The following WBP1L variants were observed in gnomAD, a reference collection of about 807,000 sequenced individuals.
WBP1L encodes the protein WW domain binding protein 1 like, also known as WW domain binding protein 1-like.
A neutral mutation model predicts 33.7 loss-of-function variants in WBP1L; 17 were observed. The ratio of observed to expected loss-of-function variants is 0.50; its 90% CI spans 0.34 to 0.76. The LOEUF is 0.76. Among genes scored for constraint, WBP1L ranks in the 30% least tolerant of loss-of-function variants. The pLI, the probability that WBP1L is intolerant of heterozygous loss-of-function variation, is 0.01. For missense variants in WBP1L, 389 were observed against 469.4 expected (o/e 0.83, Z 1.58); for synonymous variants, 173 against 190.8 (o/e 0.91, Z 0.77).
chr10:102,809,818 C>G, intron 2 of WBP1L, 75 bp from the exon 3 acceptor site: 2 of 1,516,586 alleles, frequency 1.3e-6, no homozygotes, highest in Non-Finnish European at 1.8e-6. Flanking sequence ...GTCCAGGGAC[C>G]TCCCTGTTCC....
At chr10:102,751,322 C>CTTT (rs71019611) in intron 1 of WBP1L, among the ~76,000 whole-genome samples, 5 of 141,456 alleles carry the variant, frequency 3.5e-5, no homozygotes, top group African/African-American at 7.8e-5. Flanking sequence ...TTTTTCTTTC[C>CTTT]TTTTTTTTTT....
chr10:102,761,121 GT>G (rs111654669), intron 1 of WBP1L, among the ~76,000 whole-genome samples: 2,957 of 134,052 alleles, frequency 0.022, 39 homozygotes, highest in African/African-American at 0.057. Flanking sequence ...TGGCCAGGCT[GT>G]TTTTTTTTTT....
intron 3 of WBP1L, among the ~76,000 whole-genome samples, chr10:102,810,545 C>CCT (rs1280830040): frequency 8.3e-6 from 1 of 120,456 alleles, no homozygotes; most frequent in African/African-American, 3.1e-5. Flanking sequence ...ATCCTCCCTC[C>CCT]CTCTCTCTCT....
At chr10:102,795,546 T>C (rs1843561955) in intron 1 of WBP1L, among the ~76,000 whole-genome samples, 1 of 152,214 alleles carries the variant, frequency 6.6e-6, no homozygotes, top group African/African-American at 2.4e-5. Context: ...CAGTAGGTCA[T>C]GAGGATGCCA....
chr10:102,748,123 G>A (rs991366141), intron 1 of WBP1L, among the ~76,000 whole-genome samples: 1 of 152,042 alleles, frequency 6.6e-6, no homozygotes, highest in African/African-American at 2.4e-5. Flanking sequence ...GGGCATGGTG[G>A]TGGGCACCTG....
At chr10:102,776,492 G>A in intron 1 of WBP1L, 1 of 1,596,988 alleles carries the variant, frequency 6.3e-7, no homozygotes, top group African/African-American at 1.3e-5. Context: ...ACTGCTTTGG[G>A]TGGAGGGAAT....
chr10:102,764,463 T>A (rs1356197286), intron 1 of WBP1L, among the ~76,000 whole-genome samples: 1 of 152,184 alleles, frequency 6.6e-6, no homozygotes, highest in Non-Finnish European at 1.5e-5. Context: ...TAGGTTTACT[T>A]GCTGCTGTCA....
chr10:102,800,644 A>G (rs1564767960), intron 2 of WBP1L, among the ~76,000 whole-genome samples: 1 of 152,206 alleles, frequency 6.6e-6, no homozygotes, highest in African/African-American at 2.4e-5. Context: ...TGGGAGACAT[A>G]AAAGCAAAAC....
intron 1 of WBP1L, among the ~76,000 whole-genome samples, chr10:102,745,675 A>T (rs1388398578): frequency 6.6e-6 from 1 of 152,216 alleles, no homozygotes; most frequent in Non-Finnish European, 1.5e-5. Context: ...TGTTATCTGT[A>T]AACCACAATT....
intron 1 of WBP1L, chr10:102,746,043 C>A (rs1842860777): frequency 1.7e-6 from 1 of 596,068 alleles, no homozygotes; most frequent in Non-Finnish European, 2.1e-6. Flanking sequence ...TAAATAACAT[C>A]GGTAGAGGTT....
chr10:102,777,785 G>A (rs1023216233), intron 1 of WBP1L, among the ~76,000 whole-genome samples: 5 of 151,968 alleles, frequency 3.3e-5, no homozygotes, highest in South Asian at 2.1e-4. Flanking sequence ...GACTGGTCTC[G>A]AACTCCTGAC....
chr10:102,790,762 C>T (rs1350386006), intron 1 of WBP1L, among the ~76,000 whole-genome samples: 5 of 152,130 alleles, frequency 3.3e-5, no homozygotes, highest in African/African-American at 2.4e-5. Flanking sequence ...CCGCCCGCCT[C>T]AGCCTCCCAA....
intron 1 of WBP1L, among the ~76,000 whole-genome samples, chr10:102,750,349 C>T (rs1842912991): frequency 6.6e-6 from 1 of 151,380 alleles, no homozygotes; most frequent in Non-Finnish European, 1.5e-5. Flanking sequence ...GAGCCTAGAT[C>T]ACGCCACTGC....
intron 1 of WBP1L, among the ~76,000 whole-genome samples, chr10:102,795,483 C>G (rs1843561236): frequency 6.6e-6 from 1 of 152,200 alleles, no homozygotes; most frequent in Non-Finnish European, 1.5e-5. Context: ...CTTGTTTATT[C>G]CAGGCCCCCT....
At chr10:102,746,629 G>T (rs919472680) in intron 1 of WBP1L, among the ~76,000 whole-genome samples, 2 of 151,262 alleles carry the variant, frequency 1.3e-5, no homozygotes, top group Non-Finnish European at 2.9e-5. Flanking sequence ...GGGGGAAGGG[G>T]TTGCTTGTAC....
chr10:102,792,214 G>A (rs1248025170), intron 1 of WBP1L, among the ~76,000 whole-genome samples: 8 of 152,148 alleles, frequency 5.3e-5, no homozygotes, highest in East Asian at 1.9e-4. Flanking sequence ...CTGTGGCACC[G>A]GGGCTGAAGG....
At position 102,799,108 on chromosome 10, in the gene WBP1L, T is replaced by C. The variant is rs547988325; in HGVS notation, c.193+1013T>C. On this transcript the variant is annotated intron_variant, in intron 2 of 3. Transcript: ENST00000448841. ...TGGGAGGCCAAGGCATGTGGATCAC[T>C]TGAGCCCAAGAGTTCAATACCAGCC... 7.9e-5 allele frequency among the ~76,000 whole-genome samples: 12 copies of C among 152,312 alleles called. No individual in the cohort carries two copies. The South Asian group carries it at 2.5e-3, about 32-fold the overall frequency.
intron 2 of WBP1L, among the ~76,000 whole-genome samples, chr10:102,803,718 C>T (rs925607642): frequency 1.1e-4 from 16 of 151,940 alleles, no homozygotes; most frequent in Non-Finnish European, 1.8e-4. Context: ...ACGCCATTCT[C>T]CTGCCTCAGC....
At chr10:102,759,443 T>C (rs1405426482) in intron 1 of WBP1L, among the ~76,000 whole-genome samples, 2 of 152,260 alleles carry the variant, frequency 1.3e-5, no homozygotes, top group African/African-American at 2.4e-5. Context: ...ATTTGTATTA[T>C]GACTATTCTT....
Sources: allele counts gnomAD v4.1 joint callset (sites outside exome capture counted in the v4.1 genomes callset), GRCh38; gene constraint gnomAD v4.1.1; transcripts MANE v1.5; gene names NCBI Gene and HGNC (gene_info 2026-07-23, HGNC 2026-07-21).